Variants in COL15A1 observed in about 807,000 individuals in gnomAD.
COL15A1 encodes collagen type XV alpha 1 chain.
In COL15A1, 111 loss-of-function variants were observed where a neutral mutation model predicts 165.9. That is an observed-to-expected ratio of 0.67 (90% CI 0.57 to 0.78). The LOEUF is 0.78. Among genes scored for constraint, COL15A1 ranks in the 30% least tolerant of loss-of-function variants. The probability of loss-of-function intolerance (pLI) is 0.00; values close to 1 mark genes in which losing one functional copy is unlikely to be tolerated. For synonymous variants in COL15A1, 659 were observed against 674.8 expected (o/e 0.98, Z 0.36); for missense variants, 1,745 against 1,789.7 (o/e 0.98, Z 0.45).
rs761575477 is a variant in COL15A1 at position 99,004,955 on chromosome 9, G to A, written c.1258G>A (p.Ala420Thr). 31 of 1,614,034 alleles carry A rather than the reference G, an allele frequency of 1.9e-5. No individual in the cohort carries two copies. Among genetic ancestry groups the A allele is most frequent in the Middle Eastern group, 1.7e-4 (1 of 6,060 alleles). ...ATAAGEAEALASMPGEVEASG... is the reference protein window; with the variant it reads ...ATAAGEAEALTSMPGEVEASG... ...AGCAGCAGGGGAGGCCGAGGCACTC[G>A]CCAGCATGCCTGGGGAAGTGGAGGC... Residue 420 changes from alanine to threonine, a missense_variant, in exon 9 of 42, where the codon GCC (alanine) becomes ACC (threonine). Ala to Thr is a moderately conservative substitution (Grantham distance 58). Coordinates refer to ENST00000375001, the MANE Select transcript of COL15A1 (RefSeq NM_001855.5).
At chr9:99,026,003 C>T in intron 16 of COL15A1, 37 bp downstream of exon 16, 1 of 1,571,316 alleles carries the variant, frequency 6.4e-7, no homozygotes, top group Admixed American at 1.8e-5. Flanking sequence ...CACATGGGAG[C>T]CACCAGGCCC....
At chr9:99,061,734 T>C (rs1482176897) in intron 36 of COL15A1, among the ~76,000 whole-genome samples, 1 of 152,260 alleles carries the variant, frequency 6.6e-6, no homozygotes, top group African/African-American at 2.4e-5. Flanking sequence ...CATTTTTGTT[T>C]TAATTCATTT....
At chr9:99,043,010 G>T (rs893703843) in intron 24 of COL15A1, among the ~76,000 whole-genome samples, 1 of 152,188 alleles carries the variant, frequency 6.6e-6, no homozygotes, top group African/African-American at 2.4e-5. Flanking sequence ...TATGCAAAGA[G>T]CTAACAGAGC....
At position 98,992,412 on chromosome 9, in the gene COL15A1, C is replaced by T. The variant is rs577202769; in HGVS notation, c.804+3154C>T. On this transcript the variant is annotated intron_variant, in intron 5 of 41. Transcript: ENST00000375001. ...TGGCCGCTTAGAGTGCGGGGCCCGC[C>T]GAGCCCACGCCTACTTGGAACTCTC... Among the ~76,000 whole-genome samples, 15 of 152,326 alleles carry T rather than the reference C, an allele frequency of 9.8e-5. No individual in the cohort carries two copies. The South Asian group carries it at 1.0e-3, about 11-fold the overall frequency.
chr9:98,952,402 T>C (rs1837703060), intron 2 of COL15A1, among the ~76,000 whole-genome samples: 1 of 152,208 alleles, frequency 6.6e-6, no homozygotes, highest in Non-Finnish European at 1.5e-5. Flanking sequence ...AAAAATTTAT[T>C]TCCCAGCTTC....
chr9:98,960,742 C>T (rs1009748019), intron 2 of COL15A1, among the ~76,000 whole-genome samples: 1 of 152,228 alleles, frequency 6.6e-6, no homozygotes, highest in Non-Finnish European at 1.5e-5. Context: ...ACGCCCCAAG[C>T]TCTTAGCACA....
intron 8 of COL15A1, among the ~76,000 whole-genome samples, chr9:99,003,820 T>C (rs936453478): frequency 2.6e-5 from 4 of 152,116 alleles, no homozygotes; most frequent in Non-Finnish European, 2.9e-5. Flanking sequence ...GTAAATAGGA[T>C]AGACGTGATT....
chr9:98,970,408 T>C (rs771767212), intron 2 of COL15A1, among the ~76,000 whole-genome samples: 3 of 152,144 alleles, frequency 2.0e-5, no homozygotes, highest in Non-Finnish European at 2.9e-5. Flanking sequence ...ATGCAGAAAA[T>C]GTACCCAAAT....
intron 2 of COL15A1, among the ~76,000 whole-genome samples, chr9:98,966,032 A>G (rs1837951134): frequency 6.6e-6 from 1 of 152,136 alleles, no homozygotes; most frequent in African/African-American, 2.4e-5. Context: ...TGGAAAGTGG[A>G]TGCTGGTTGT....
intron 19 of COL15A1, 85 bp downstream of exon 19, chr9:99,035,503 G>T (rs1839286482): frequency 3.2e-6 from 5 of 1,557,702 alleles, no homozygotes; most frequent in Non-Finnish European, 4.4e-6. Context: ...TCCCGGCTCT[G>T]CCACTTTCAA....
At chr9:98,945,385 G>A (rs1016432181) in intron 2 of COL15A1, among the ~76,000 whole-genome samples, 1 of 152,182 alleles carries the variant, frequency 6.6e-6, no homozygotes, top group African/African-American at 2.4e-5. Flanking sequence ...TCTTGCCCTT[G>A]CTCAGCTCTT....
intron 26 of COL15A1, among the ~76,000 whole-genome samples, chr9:99,046,131 G>T (rs1464764873): frequency 6.6e-6 from 1 of 152,248 alleles, no homozygotes; most frequent in Non-Finnish European, 1.5e-5. Context: ...TGCTGCAGAT[G>T]CCATGGCGGT....
chr9:98,983,623 G>A (rs1459295457), intron 2 of COL15A1, among the ~76,000 whole-genome samples: 1 of 152,210 alleles, frequency 6.6e-6, no homozygotes, highest in Non-Finnish European at 1.5e-5. Flanking sequence ...AGGCTCCCAT[G>A]TCAGCCTCAC....
At position 99,054,628 on chromosome 9, in the gene COL15A1, AG is replaced by A. The variant is rs1202370110; in HGVS notation, c.3005del (p.Gly1002AlafsTer15). On this transcript the variant is annotated frameshift_variant, in exon 32 of 42. Coordinates refer to ENST00000375001, the MANE Select transcript of COL15A1 (RefSeq NM_001855.5). LOFTEE classifies it high-confidence loss of function. ...GTCTTCCTGGCTCAAAGGGAGAAAA[AG>A]GCGACCAGGGAGCCCAGGGACCACC... The part of the protein sequence containing the change: ...WGLPGSKGEK[G>X]DQGAQGPPGP... The A allele has an allele frequency of 3.1e-6, 5 of 1,612,662 alleles. No homozygotes were observed. Among genetic ancestry groups the A allele is most frequent in the Non-Finnish European group, 4.2e-6 (5 of 1,179,510 alleles).
At chr9:99,010,666 T>C (rs534124793) in intron 9 of COL15A1, among the ~76,000 whole-genome samples, 8 of 152,308 alleles carry the variant, frequency 5.3e-5, no homozygotes, top group Admixed American at 2.0e-4. Flanking sequence ...TGATAAACAG[T>C]TTGCTGTTCG....
chr9:99,036,292 ACTT>A lies in COL15A1; in HGVS notation c.2326-17_2326-15del, dbSNP rs745521550. The A allele has an allele frequency of 4.3e-6, 7 of 1,613,874 alleles. No individual in the cohort carries two copies. The East Asian group carries it at 1.6e-4, about 36-fold the overall frequency. ...TCGCTGTACAGTGAATTTTTTTCTC[ACTT>A]CTTGCTGCTTTGACCAGGGAGAAAG... On this transcript the variant is annotated intron_variant, in intron 20 of 41. Coordinates refer to ENST00000375001, the MANE Select transcript of COL15A1 (RefSeq NM_001855.5).
chr9:99,059,446 A>G (rs1339612669), intron 35 of COL15A1, among the ~76,000 whole-genome samples: 2 of 152,134 alleles, frequency 1.3e-5, no homozygotes, highest in African/African-American at 2.4e-5. Flanking sequence ...CTGTCACTGC[A>G]CCACCCTGGT....
chr9:99,013,729 C>A (rs1838883608), intron 9 of COL15A1, among the ~76,000 whole-genome samples: 1 of 152,128 alleles, frequency 6.6e-6, no homozygotes, highest in Non-Finnish European at 1.5e-5. Flanking sequence ...AGCAGAGCTT[C>A]AGACCTAAGA....
At chr9:99,014,376 G>T (rs1460245244) in intron 9 of COL15A1, among the ~76,000 whole-genome samples, 1 of 152,196 alleles carries the variant, frequency 6.6e-6, no homozygotes, top group African/African-American at 2.4e-5. Flanking sequence ...AGGAAAACTT[G>T]CATTCCTTGT....
Sources: allele counts gnomAD v4.1 joint callset (sites outside exome capture counted in the v4.1 genomes callset), GRCh38; gene constraint gnomAD v4.1.1; transcripts MANE v1.5; gene names NCBI Gene and HGNC (gene_info 2026-07-23, HGNC 2026-07-21).